The following CCDC7 variants were observed in gnomAD, a reference collection of about 807,000 sequenced individuals.
CCDC7 encodes coiled-coil domain containing 7, also known as coiled-coil domain-containing protein 7.
CCDC7 carries 183 observed loss-of-function variants against 196.9 expected under a neutral mutation model. That is an observed-to-expected ratio of 0.93 (90% CI 0.82 to 1.05). The LOEUF (loss-of-function observed/expected upper bound fraction) is 1.05. CCDC7 is among the 50% of genes least tolerant of loss of function. CCDC7 has a pLI of 0.00. For missense variants in CCDC7, 1,540 were observed against 1,482.2 expected (o/e 1.04, Z -0.64); for synonymous variants, 525 against 484.6 (o/e 1.08, Z -1.10).
At position 32,582,106 on chromosome 10, in the gene CCDC7, C is replaced by CTATATATATATATATATA. The variant is rs6143863; in HGVS notation, c.1455-911_1455-894dup. Among the ~76,000 whole-genome samples the CTATATATATATATATATA allele has an allele frequency of 3.9e-3, 404 of 103,588 alleles. 7 individuals carry two copies. The highest frequency in any genetic ancestry group is 5.3e-3 in the Middle Eastern group (1 of 190). The allele number at this position is 103,588 out of a possible 152,430, so 68.0% of individuals were successfully genotyped here. On this transcript the variant is annotated intron_variant, in intron 16 of 41. Transcript: ENST00000639629. ...TCTATGTTTTTTTAAACTGTCAGCA[C>CTATATATATATATATATA]TATATATATATATATATATATATAT... is the stretch of plus-strand genomic sequence containing the variant.
intron 29 of CCDC7, among the ~76,000 whole-genome samples, chr10:32,789,833 T>G (rs1411531210): frequency 6.6e-6 from 1 of 152,182 alleles, no homozygotes; most frequent in Non-Finnish European, 1.5e-5. Flanking sequence ...CAAAATACAC[T>G]GGTGGGACAA....
At chr10:32,593,541 T>C (rs1022076572) in intron 18 of CCDC7, among the ~76,000 whole-genome samples, 2 of 152,216 alleles carry the variant, frequency 1.3e-5, no homozygotes, top group African/African-American at 4.8e-5. Flanking sequence ...GTGGAGAAGC[T>C]CTTTAGTTTA....
chr10:32,773,346 C>G lies in CCDC7; in HGVS notation c.2906-5631C>G, dbSNP rs192115602. Among the ~76,000 whole-genome samples, 205 of 152,102 alleles carry G rather than the reference C, an allele frequency of 1.3e-3. 1 individual carries two copies. The highest frequency in any genetic ancestry group is 3.8e-3 in the African/African-American group (159 of 41,518). On this transcript the variant is annotated intron_variant, in intron 28 of 41. Coordinates refer to ENST00000639629, the Ensembl canonical transcript of CCDC7. ...GATGTTGTCTCGTAATTCTGATAGG[C>G]CTTCTTCATTGTTTTTTATTCACTT... is the stretch of plus-strand genomic sequence containing the variant.
rs976609183 is a variant in CCDC7, at chr10:32,615,887, A to G, written c.1802-18367A>G. ...TGGGTCCAATTTATTTCTTTTGTAT[A>G]TAACAATCCAATTTTCCCAACACTG... On this transcript the variant is annotated intron_variant, in intron 18 of 41. Coordinates refer to ENST00000639629, the Ensembl canonical transcript of CCDC7. Among the ~76,000 whole-genome samples the G allele has an allele frequency of 5.3e-5, 8 of 152,092 alleles. No homozygotes were observed. In the East Asian group the frequency reaches 9.6e-4, roughly 18 times the overall value.
chr10:32,565,702 C>CTTTGTAAAATTTATTTGTAAATTTT, intron 14 of CCDC7, 82 bp downstream of exon 15: 1 of 1,471,164 alleles, frequency 6.8e-7, no homozygotes, highest in South Asian at 1.3e-5. Flanking sequence ...ATAATTTTTA[C>CTTTGTAAAATTTATTTGTAAATTTT]TTTGTAAGCT....
chr10:32,818,019 T>A (rs1488615068), intron 31 of CCDC7, among the ~76,000 whole-genome samples: 1 of 152,092 alleles, frequency 6.6e-6, no homozygotes, highest in Non-Finnish European at 1.5e-5. Context: ...GGCTAAATGC[T>A]CTAATTAAAA....
At chr10:32,593,906 ATC>A (rs2060036015) in intron 18 of CCDC7, among the ~76,000 whole-genome samples, 1 of 152,062 alleles carries the variant, frequency 6.6e-6, no homozygotes, top group Admixed American at 6.5e-5. Flanking sequence ...CAACTGGTGT[ATC>A]TCTCTCTTTT....
intron 25 of CCDC7, among the ~76,000 whole-genome samples, chr10:32,719,816 G>C (rs2082137043): frequency 1.3e-5 from 2 of 152,168 alleles, no homozygotes; most frequent in Admixed American, 1.3e-4. Context: ...AAACCACAAT[G>C]AGATACCATC....
chr10:32,639,307 T>G (rs1214992683), intron 20 of CCDC7, among the ~76,000 whole-genome samples: 4 of 152,176 alleles, frequency 2.6e-5, no homozygotes, highest in Non-Finnish European at 5.9e-5. Flanking sequence ...GCTTCTCTAG[T>G]TCTTTTAATT....
At position 32,611,294 on chromosome 10, in the gene CCDC7, T is replaced by C. The variant is rs2062102565; in HGVS notation, c.1802-22960T>C. 3.9e-5 allele frequency among the ~76,000 whole-genome samples: 6 copies of C among 152,348 alleles called. No homozygotes were observed. In the South Asian group the frequency reaches 1.2e-3, roughly 32 times the overall value. On this transcript the variant is annotated intron_variant, in intron 18 of 41. Coordinates refer to ENST00000639629, the Ensembl canonical transcript of CCDC7. Reference sequence around the variant, plus strand: ...TTTGTTTTTTTCTTGTAAATTTGTTTAAGTTCCTTGTAGATTCTGGGTATT... The same window carrying C: ...TTTGTTTTTTTCTTGTAAATTTGTTCAAGTTCCTTGTAGATTCTGGGTATT...
At chr10:32,446,083 T>A (rs563120953), upstream of CCDC7, 8 of 152,196 alleles carry the variant, frequency 5.3e-5, no homozygotes, top group Non-Finnish European at 8.8e-5. Flanking sequence ...GCTCGCAGCG[T>A]CAGCGACGCC....
chr10:32,655,302 G>A (rs1212166161), intron 20 of CCDC7, among the ~76,000 whole-genome samples: 1 of 152,114 alleles, frequency 6.6e-6, no homozygotes, highest in African/African-American at 2.4e-5. Flanking sequence ...ATTAGAAAAT[G>A]TATTTGTTCT....
chr10:32,571,816 T>C (rs755069219), intron 15 of CCDC7, 43 bp from the exon 17 acceptor site: 20 of 1,500,610 alleles, frequency 1.3e-5, no homozygotes, highest in Non-Finnish European at 1.8e-5. Flanking sequence ...ACATTTCATA[T>C]GCATACTTGA....
intron 8 of CCDC7, among the ~76,000 whole-genome samples, chr10:32,488,822 A>G (rs2041693364): frequency 6.6e-6 from 1 of 152,182 alleles, no homozygotes; most frequent in Admixed American, 6.5e-5. Context: ...CACTTCTTCT[A>G]GACTTTATGG....
chr10:32,824,409 AT>A (rs1181437812), intron 31 of CCDC7, 108 bp from the exon 33 acceptor site: 21 of 612,852 alleles, frequency 3.4e-5, no homozygotes, highest in Admixed American at 5.9e-5. Context: ...CTTTATTATA[AT>A]TCTACTCCAA....
intron 24 of CCDC7, among the ~76,000 whole-genome samples, chr10:32,699,432 T>C (rs1417911789): frequency 5.3e-5 from 8 of 151,620 alleles, no homozygotes; most frequent in Non-Finnish European, 1.2e-4. Flanking sequence ...ATGTGCCACA[T>C]TTTCTTAACC....
At chr10:32,689,129 G>C (rs532448061) in exon 23 of CCDC7, 15 of 1,601,434 alleles carry the variant, frequency 9.4e-6, no homozygotes, top group Admixed American at 3.4e-5. Context: ...TGCAAGTGAA[G>C]GAACAAAGAA....
At chr10:32,798,077 C>T (rs2083988980) in intron 29 of CCDC7, among the ~76,000 whole-genome samples, 1 of 152,196 alleles carries the variant, frequency 6.6e-6, no homozygotes, top group Non-Finnish European at 1.5e-5. Flanking sequence ...ATAAAGCATT[C>T]CATGAGTCCA....
intron 20 of CCDC7, among the ~76,000 whole-genome samples, chr10:32,639,539 A>G (rs536459587): frequency 2.8e-4 from 42 of 151,376 alleles, no homozygotes; most frequent in Admixed American, 1.5e-3. Flanking sequence ...GTTTCCATGT[A>G]GTTGAGCGGT....
Sources: allele counts gnomAD v4.1 joint callset (sites outside exome capture counted in the v4.1 genomes callset), GRCh38; gene constraint gnomAD v4.1.1; transcripts MANE v1.5; gene names NCBI Gene and HGNC (gene_info 2026-07-23, HGNC 2026-07-21).